The following RC3H2 variants were observed in gnomAD, a reference collection of about 807,000 sequenced individuals.
RC3H2 encodes roquin-2.
Under a neutral mutation model 133.3 loss-of-function variants are expected in RC3H2, and 31 were observed. The observed-to-expected ratio is 0.23, with a 90% CI of 0.17 to 0.31. The LOEUF (loss-of-function observed/expected upper bound fraction) is 0.31, where lower values mean the gene tolerates loss of function less well. RC3H2 is among the 10% of genes least tolerant of loss of function. The pLI is 1.00. For missense variants in RC3H2, 1,175 were observed against 1,437.2 expected (o/e 0.82, Z 2.95); for synonymous variants, 517 against 502.2 (o/e 1.03, Z -0.40).
At chr9:122,855,122 A>G in intron 15 of RC3H2, 62 bp downstream of exon 15, 1 of 1,276,168 alleles carries the variant, frequency 7.8e-7, no homozygotes, top group Non-Finnish European at 1.1e-6. Context: ...CAATTAAAAA[A>G]AAAAAAAAAA....
chr9:122,877,898 TCTG>T (rs1451802045), intron 8 of RC3H2, among the ~76,000 whole-genome samples: 1 of 152,208 alleles, frequency 6.6e-6, no homozygotes, highest in African/African-American at 2.4e-5. Context: ...GTCTTAAAAT[TCTG>T]CTACCAAAAT....
intron 9 of RC3H2, chr9:122,874,409 T>C (rs2131442018): frequency 6.6e-6 from 1 of 152,268 alleles, no homozygotes; most frequent in African/African-American, 2.4e-5. Flanking sequence ...ACTGAAGCAG[T>C]AAAACCAACT....
rs1829828173 is a variant in RC3H2, at chr9:122,844,634, C to G, written c.*4993G>C. ...TGCAAACTTTTTCCATCAATTTTCT[C>G]TCAAACACTGAAAATCATGATGCTC... On this transcript the variant is annotated 3_prime_UTR_variant, in exon 21 of 21. Transcript: ENST00000357244. The G allele has an allele frequency of 6.6e-6, 1 of 152,216 alleles. No homozygotes were observed. Among genetic ancestry groups the G allele is most frequent in the Non-Finnish European group, 1.5e-5 (1 of 68,038 alleles). 9.4% of individuals were successfully genotyped at this position (152,216 alleles called of 1,614,324 possible).
intron 1 of RC3H2, among the ~76,000 whole-genome samples, chr9:122,902,339 A>C (rs890263210): frequency 1.3e-5 from 2 of 152,214 alleles, no homozygotes; most frequent in African/African-American, 4.8e-5. Flanking sequence ...GGATAACTTC[A>C]TCCTTCATAT....
At chr9:122,889,013 G>A (rs924557134) in intron 4 of RC3H2, among the ~76,000 whole-genome samples, 4 of 152,144 alleles carry the variant, frequency 2.6e-5, no homozygotes, top group Admixed American at 2.6e-4. Context: ...CAATCTGATA[G>A]GTGAGAAATG....
At chr9:122,866,887 C>G (rs1444538599) in intron 9 of RC3H2, among the ~76,000 whole-genome samples, 8 of 148,748 alleles carry the variant, frequency 5.4e-5, no homozygotes, top group African/African-American at 1.2e-4. Flanking sequence ...CGTGAGGAGC[C>G]CCTCTGCCTG....
chr9:122,850,999 A>G, intron 20 of RC3H2, 82 bp downstream of exon 20: 1 of 1,507,506 alleles, frequency 6.6e-7, no homozygotes, highest in Non-Finnish European at 9.1e-7. Context: ...CTCACAGCAT[A>G]AAGCCAAAAA....
At chr9:122,852,281 T>A (rs1830061388) in intron 18 of RC3H2, among the ~76,000 whole-genome samples, 1 of 140,450 alleles carries the variant, frequency 7.1e-6, no homozygotes. Context: ...GTATGAGAAG[T>A]GAGGAGCCTC....
rs1483297207 is a variant in RC3H2, at chr9:122,845,246, G to A, written c.*4381C>T. 6.6e-6 allele frequency: 1 copy of A among 152,172 alleles called. No individual in the cohort carries two copies. The highest frequency in any genetic ancestry group is 1.5e-5 in the Non-Finnish European group (1 of 68,024). 9.4% of individuals were successfully genotyped at this position (152,172 alleles called of 1,614,324 possible). A position where few individuals can be genotyped will look rare whatever the true frequency, so the allele number is the denominator to read the frequency against. On this transcript the variant is annotated 3_prime_UTR_variant, in exon 21 of 21. Transcript: ENST00000357244. ...CTTTCACTTCCAGGGAAAAGAATAT[G>A]CAATAAACAGTATAAATGCAGACAG...
intron 18 of RC3H2, among the ~76,000 whole-genome samples, chr9:122,853,547 T>A (rs186095195): frequency 1.2e-3 from 189 of 151,964 alleles, no homozygotes; most frequent in Non-Finnish European, 2.0e-3. Flanking sequence ...AGGTCAGGAG[T>A]TCAAGACCAG....
chr9:122,849,648 A>G lies in RC3H2; in HGVS notation c.3555T>C (p.Asn1185=). 6.2e-7 allele frequency: 1 copy of G among 1,613,098 alleles called. No homozygotes were observed. Among genetic ancestry groups the G allele is most frequent in the South Asian group, 1.1e-5 (1 of 91,006 alleles). The change falls in exon 21 of 21, where the codon AAT becomes AAC. Residue 1185 remains asparagine, a synonymous_variant. Coordinates refer to ENST00000357244, the MANE Select transcript of RC3H2 (RefSeq NM_001100588.3). The stretch of plus-strand genomic sequence containing the variant: ...CCTTTCAGCTGTTAACCATCTTCCC[A>G]TTTGCAACAGGTTTTAAAAAGTCGT... The part of the protein sequence containing the change: ...DKNDFLKPVA[N]GKMVNS
At chr9:122,899,401 T>C (rs1412287483) in intron 1 of RC3H2, among the ~76,000 whole-genome samples, 1 of 152,126 alleles carries the variant, frequency 6.6e-6, no homozygotes, top group Non-Finnish European at 1.5e-5. Context: ...TGCGCTTTTA[T>C]ATTCACAAAA....
At chr9:122,852,011 G>T (rs1037119779) in intron 18 of RC3H2, among the ~76,000 whole-genome samples, 2 of 150,584 alleles carry the variant, frequency 1.3e-5, no homozygotes, top group East Asian at 4.0e-4. Context: ...TGGAAAGTGA[G>T]GACCGTCTCT....
At chr9:122,885,808 C>T (rs970059572) in intron 4 of RC3H2, among the ~76,000 whole-genome samples, 2 of 152,328 alleles carry the variant, frequency 1.3e-5, no homozygotes, top group Middle Eastern at 6.8e-3. Flanking sequence ...TGTTCATACA[C>T]TCTATACACA....
intron 1 of RC3H2, among the ~76,000 whole-genome samples, chr9:122,904,272 G>C (rs1005402100): frequency 6.6e-6 from 1 of 152,170 alleles, no homozygotes; most frequent in Non-Finnish European, 1.5e-5. Context: ...CACTGGATTA[G>C]ATTTACTTTA....
intron 12 of RC3H2, among the ~76,000 whole-genome samples, chr9:122,858,432 T>C (rs1312871456): frequency 6.6e-6 from 1 of 152,218 alleles, no homozygotes; most frequent in East Asian, 1.9e-4. Context: ...AGCATTAACA[T>C]GTATGAGGCC....
At chr9:122,883,524 T>C (rs1831744078) in intron 4 of RC3H2, 145 bp from the exon 5 acceptor site, 1 of 533,512 alleles carries the variant, frequency 1.9e-6, no homozygotes. Context: ...ACATCACACG[T>C]ACATAATTTA....
Position 122,865,515 on chromosome 9 carries a change from C to A in RC3H2, c.1468G>T (p.Val490Phe). The change falls in exon 10 of 21, where the codon GTT becomes TTT. Residue 490 changes from valine (V) to phenylalanine (F), a missense_variant. Coordinates refer to ENST00000357244, the MANE Select transcript of RC3H2 (RefSeq NM_001100588.3). ...IGSTETTGKIVPSTNGISNAE... is the reference protein window; with the variant it reads ...IGSTETTGKIFPSTNGISNAE... The stretch of plus-strand genomic sequence containing the variant: ...TTTGAAATTCCGTTTGTACTTGGAA[C>A]AATTTTCCCTGTTGTTTCAGTACTT... The A allele has an allele frequency of 6.2e-7, 1 of 1,614,198 alleles. No homozygotes were observed. The highest frequency in any genetic ancestry group is 8.5e-7 in the Non-Finnish European group (1 of 1,180,028).
At chr9:122,860,207 A>C in intron 10 of RC3H2, 76 bp from the exon 11 acceptor site, 1 of 1,106,156 alleles carries the variant, frequency 9.0e-7, no homozygotes, top group Non-Finnish European at 1.3e-6. Flanking sequence ...AATTTTTAAT[A>C]AAATTATATT....
Sources: allele counts gnomAD v4.1 joint callset (sites outside exome capture counted in the v4.1 genomes callset), GRCh38; gene constraint gnomAD v4.1.1; transcripts MANE v1.5; gene names NCBI Gene and HGNC (gene_info 2026-07-23, HGNC 2026-07-21).